TMBIM4: variants seen among roughly 807,000 people sequenced by gnomAD.
TMBIM4 encodes protein lifeguard 4.
A neutral mutation model predicts 27.7 loss-of-function variants in TMBIM4; 28 were observed. The ratio of observed to expected loss-of-function variants is 1.01; its 90% CI spans 0.75 to 1.38. The LOEUF (loss-of-function observed/expected upper bound fraction) is 1.38, where lower values mean the gene tolerates loss of function less well. TMBIM4 is among the 40% of genes most tolerant of loss of function. The pLI is 0.00. For synonymous variants in TMBIM4, 115 were observed against 113.1 expected (o/e 1.02, Z -0.11); for missense variants, 265 against 277.5 (o/e 0.95, Z 0.32).
intron 5 of TMBIM4, among the ~76,000 whole-genome samples, chr12:66,140,928 T>C (rs2051658054): frequency 6.6e-6 from 1 of 152,078 alleles, no homozygotes; most frequent in Non-Finnish European, 1.5e-5. Flanking sequence ...ATAAGAAAGA[T>C]GGCAGACTTC....
At chr12:66,149,369 C>T (rs542137452) in intron 3 of TMBIM4, among the ~76,000 whole-genome samples, 2 of 145,624 alleles carry the variant, frequency 1.4e-5, no homozygotes, top group South Asian at 4.3e-4. Context: ...CGCTTAAGCC[C>T]AGGAGGCAGA....
intron 5 of TMBIM4, among the ~76,000 whole-genome samples, chr12:66,141,397 CAT>C (rs2051665812): frequency 2.0e-5 from 3 of 151,920 alleles, no homozygotes; most frequent in African/African-American, 7.2e-5. Context: ...AATTTAAAGT[CAT>C]ATATTATAAA....
In TMBIM4 at chr12:66,169,979, G is replaced by A; in HGVS notation, c.-28C>T. The A allele has an allele frequency of 6.9e-7, 1 of 1,451,350 alleles. No individual in the cohort carries two copies. Among genetic ancestry groups the A allele is most frequent in the Middle Eastern group, 1.7e-4 (1 of 5,720 alleles). The allele number at this position is 1,451,350 out of a possible 1,614,324, so 89.9% of individuals were successfully genotyped here. A position where few individuals can be genotyped will look rare whatever the true frequency, so the allele number is the denominator to read the frequency against. Reference sequence around the variant, plus strand: ...TGGCAACAGCACCCCTACCGGTCCCGGTCCACTAACCGCAACCGCCTCCTC... The same window carrying A: ...TGGCAACAGCACCCCTACCGGTCCCAGTCCACTAACCGCAACCGCCTCCTC... On this transcript the variant is annotated 5_prime_UTR_variant, in exon 1 of 7. Transcript: ENST00000358230.
At chr12:66,166,439 TG>T (rs2052128475) in intron 1 of TMBIM4, among the ~76,000 whole-genome samples, 1 of 134,096 alleles carries the variant, frequency 7.5e-6, no homozygotes, top group African/African-American at 3.0e-5. Flanking sequence ...CACTCCAGTC[TG>T]AGAGACAGAG....
At chr12:66,162,076 C>CT (rs1048393262) in intron 1 of TMBIM4, among the ~76,000 whole-genome samples, 3 of 124,662 alleles carry the variant, frequency 2.4e-5, no homozygotes, top group African/African-American at 9.3e-5. Context: ...CCCAACATCA[C>CT]TAAAAAAAAA....
At chr12:66,152,771 T>C (rs1439504906) in intron 2 of TMBIM4, among the ~76,000 whole-genome samples, 1 of 152,106 alleles carries the variant, frequency 6.6e-6, no homozygotes. Context: ...AGCAAACTAA[T>C]AGTTCAAGAC....
chr12:66,145,845 C>T lies in TMBIM4; in HGVS notation c.460G>A (p.Ala154Thr), dbSNP rs2051742248. 2 of 1,560,216 alleles carry T rather than the reference C, an allele frequency of 1.3e-6. No homozygotes were observed. Among genetic ancestry groups the T allele is most frequent in the Non-Finnish European group, 8.8e-7 (1 of 1,136,540 alleles). The change falls in exon 5 of 7, where the codon GCA (alanine) becomes ACA (threonine). Residue 154 changes from alanine to threonine, a missense_variant. Transcript: ENST00000358230. ...QSKKDFSKFG[A>T]GLFALLWILC... ...CCAAGAATATATACAACTTACCCTG[C>T]TCCAAATTTGCTGAAATCCTTCTTA... is the stretch of plus-strand genomic sequence containing the variant.
intron 6 of TMBIM4, among the ~76,000 whole-genome samples, chr12:66,138,436 G>A (rs1288649833): frequency 5.3e-5 from 8 of 152,204 alleles, no homozygotes; most frequent in African/African-American, 1.7e-4. Flanking sequence ...AATATATTTC[G>A]TTTTTCACAA....
rs185746902 is a variant in TMBIM4, at chr12:66,147,418, G to A, written c.346+490C>T. Among the ~76,000 whole-genome samples, 1,277 of 152,084 alleles carry A rather than the reference G, an allele frequency of 8.4e-3. 75 individuals carry two copies. Among genetic ancestry groups the A allele is most frequent in the Admixed American group, 0.077 (1,176 of 15,274 alleles). ...TACATCAAGTAATTATAACAGAAAC[G>A]GCCTTCAAACACATATTTAACATGA... On this transcript the variant is annotated intron_variant, in intron 4 of 6. Transcript: ENST00000358230.
chr12:66,158,787 G>A (rs920678655), intron 1 of TMBIM4, among the ~76,000 whole-genome samples: 1 of 152,130 alleles, frequency 6.6e-6, no homozygotes, highest in African/African-American at 2.4e-5. Flanking sequence ...AGAATCACAA[G>A]ACACCCACTA....
At chr12:66,168,790 T>A (rs998560565) in intron 1 of TMBIM4, 4 of 152,946 alleles carry the variant, frequency 2.6e-5, no homozygotes, top group African/African-American at 9.6e-5. Context: ...AATCATTCTG[T>A]GCTCAAACTC....
At chr12:66,149,644 T>C (rs963216916) in intron 3 of TMBIM4, among the ~76,000 whole-genome samples, 4 of 152,012 alleles carry the variant, frequency 2.6e-5, no homozygotes, top group Non-Finnish European at 5.9e-5. Context: ...TTAAAACATA[T>C]ACACACATGC....
chr12:66,152,317 A>C lies in TMBIM4; in HGVS notation c.266T>G (p.Leu89Ter), dbSNP rs879155194. 3 of 1,610,756 alleles carry C rather than the reference A, an allele frequency of 1.9e-6. No individual in the cohort carries two copies. Among genetic ancestry groups the C allele is most frequent in the South Asian group, 2.2e-5 (2 of 90,710 alleles). ...GSLGLIFALI[L>*]NRHKYPLNLY... ...GTTAAGGGGATACTTATGTCTGTTT[A>C]AAATCAACGCAAAAATCAAACCCAG... The change falls in exon 3 of 7, where the codon TTA (leucine) becomes TGA (stop). Residue 89 changes from leucine to a stop codon, truncating the protein, a stop_gained. Transcript: ENST00000358230. LOFTEE classifies it high-confidence loss of function.
rs561818414 is a variant in TMBIM4, at chr12:66,147,901, G to A, written c.346+7C>T. ...TTATAACATATAGAAATGCAGTTAC[G>A]GCTTACCAACAACTGCCACAGTCAG... On this transcript the variant is annotated splice_region_variant and intron_variant, in intron 4 of 6. Transcript: ENST00000358230. 134 of 1,609,246 alleles carry A rather than the reference G, an allele frequency of 8.3e-5. No homozygotes were observed. The South Asian group carries it at 1.4e-3, about 16-fold the overall frequency.
Position 66,152,326 on chromosome 12 carries a change from G to T in TMBIM4, c.257C>A (p.Ala86Glu). 6.2e-7 allele frequency: 1 copy of T among 1,610,038 alleles called. No individual in the cohort carries two copies. Residue 86 changes from alanine to glutamate, a missense_variant, in exon 3 of 7, where the codon GCG (alanine) becomes GAG (glutamate). By Grantham distance (107) the Ala-to-Glu change is moderately radical. Transcript: ENST00000358230. ...FALGSLGLIF[A>E]LILNRHKYPL... Reference sequence around the variant, plus strand: ...ATACTTATGTCTGTTTAAAATCAACGCAAAAATCAAACCCAGAGATCCGAG... The same window carrying T: ...ATACTTATGTCTGTTTAAAATCAACTCAAAAATCAAACCCAGAGATCCGAG...
chr12:66,150,296 C>A (rs2051823604), intron 3 of TMBIM4, among the ~76,000 whole-genome samples: 1 of 152,200 alleles, frequency 6.6e-6, no homozygotes, highest in Non-Finnish European at 1.5e-5. Flanking sequence ...CAAGGCCTGG[C>A]AACCCATATA....
At chr12:66,154,288 C>T (rs567909860) in intron 1 of TMBIM4, among the ~76,000 whole-genome samples, 1 of 152,256 alleles carries the variant, frequency 6.6e-6, no homozygotes, top group African/African-American at 2.4e-5. Flanking sequence ...GAACCCTAAA[C>T]ATACCATTAA....
chr12:66,138,895 G>T (rs1345352652), intron 5 of TMBIM4, 126 bp from the exon 6 acceptor site: 2 of 1,285,742 alleles, frequency 1.6e-6, no homozygotes, highest in Non-Finnish European at 2.0e-6. Context: ...TAAAATGTAA[G>T]AATTTGTAAA....
chr12:66,152,113 A>G (rs890050966), intron 3 of TMBIM4, among the ~76,000 whole-genome samples, 158 bp downstream of exon 3: 5 of 152,184 alleles, frequency 3.3e-5, no homozygotes, highest in South Asian at 2.1e-4. Flanking sequence ...TAAACTGTTA[A>G]AAGTTTTAAA....
Sources: gnomAD v4.1 joint callset for allele counts (sites outside exome capture counted in the v4.1 genomes callset) on GRCh38, gnomAD v4.1.1 for gene constraint, MANE v1.5 for transcripts, NCBI Gene and HGNC (gene_info 2026-07-23, HGNC 2026-07-21) for gene names.